The following AGBL1 variants were observed in gnomAD, a reference collection of about 807,000 sequenced individuals.
AGBL1 encodes the protein AGBL carboxypeptidase 1.
AGBL1 carries 130 observed loss-of-function variants against 118.9 expected under a neutral mutation model. That is an observed-to-expected ratio of 1.09 (90% CI 0.95 to 1.26). AGBL1 has a LOEUF of 1.26. Ranked by LOEUF, AGBL1 falls within the 50% of genes most tolerant of loss-of-function variation. The pLI is 0.00. For missense variants in AGBL1, 1,584 were observed against 1,298.1 expected (o/e 1.22, Z -3.38); for synonymous variants, 555 against 478.9 (o/e 1.16, Z -2.08).
chr15:86,490,392 C>T (rs553931702), intron 18 of AGBL1, among the ~76,000 whole-genome samples: 1 of 152,232 alleles, frequency 6.6e-6, no homozygotes, highest in Non-Finnish European at 1.5e-5. Context: ...TTGTAAACCT[C>T]TGCTCGTTAG....
At chr15:86,861,685 G>A (rs1486358771) in intron 22 of AGBL1, among the ~76,000 whole-genome samples, 1 of 152,164 alleles carries the variant, frequency 6.6e-6, no homozygotes. Flanking sequence ...GGCATATAGT[G>A]AGGACACCAA....
intron 18 of AGBL1, among the ~76,000 whole-genome samples, chr15:86,467,462 C>A (rs1275641179): frequency 6.6e-6 from 1 of 152,186 alleles, no homozygotes; most frequent in African/African-American, 2.4e-5. Context: ...ACTTCAGCCC[C>A]CTTTCCAGGG....
chr15:87,016,477 C>T (rs1485092472), intron 24 of AGBL1, among the ~76,000 whole-genome samples: 1 of 152,166 alleles, frequency 6.6e-6, no homozygotes, highest in Non-Finnish European at 1.5e-5. Context: ...CAACAAAATA[C>T]TTATCTCTCT....
chr15:86,539,308 C>A (rs1308023834), intron 19 of AGBL1, among the ~76,000 whole-genome samples: 2 of 152,292 alleles, frequency 1.3e-5, no homozygotes, highest in East Asian at 3.9e-4. Context: ...TAACCTCTTC[C>A]TTTCTTAGCC....
At position 86,743,860 on chromosome 15, in the gene AGBL1, CA is replaced by C. The variant is rs367876205; in HGVS notation, c.3158+69425del. ...GGCCTTTCCAGTGTATCTGATCACA[CA>C]CCCCCATCCCCCGCAACACACACAC... On this transcript the variant is annotated intron_variant, in intron 22 of 22. Transcript: ENST00000614907. Among the ~76,000 whole-genome samples the C allele has an allele frequency of 2.5e-3, 378 of 151,304 alleles. 1 individual carries two copies. Among genetic ancestry groups the C allele is most frequent in the African/African-American group, 8.8e-3 (361 of 41,214 alleles).
intron 22 of AGBL1, among the ~76,000 whole-genome samples, chr15:86,691,759 A>C (rs2086176476): frequency 6.6e-6 from 1 of 152,158 alleles, no homozygotes; most frequent in Non-Finnish European, 1.5e-5. Flanking sequence ...CTGTTATAAA[A>C]AAATATTAAG....
chr15:86,819,377 TAAG>T, intron 22 of AGBL1, among the ~76,000 whole-genome samples: 1 of 152,148 alleles, frequency 6.6e-6, no homozygotes, highest in Non-Finnish European at 1.5e-5. Flanking sequence ...CATATATTAA[TAAG>T]AAAACCCCAT....
intron 23 of AGBL1, among the ~76,000 whole-genome samples, chr15:86,980,695 CTAAA>C (rs1478220420): frequency 2.0e-5 from 3 of 152,076 alleles, no homozygotes; most frequent in African/African-American, 7.2e-5. Flanking sequence ...TGACATCATA[CTAAA>C]TAGAGTCTTG....
chr15:86,910,306 G>A lies in AGBL1; in HGVS notation c.*3012G>A, dbSNP rs1233908911. 1 of 152,234 alleles carries A rather than the reference G, an allele frequency of 6.6e-6. No individual in the cohort carries two copies. The highest frequency in any genetic ancestry group is 1.5e-5 in the Non-Finnish European group (1 of 68,044). The allele number at this position is 152,234 out of a possible 1,614,324, so 9.4% of individuals were successfully genotyped here. Reference sequence around the variant, plus strand: ...TAGAGCTTGAAATAAAATGTTCAGTGTGACTGGTTTAAAAGATGTGTTTGT... The same window carrying A: ...TAGAGCTTGAAATAAAATGTTCAGTATGACTGGTTTAAAAGATGTGTTTGT... On this transcript the variant is annotated 3_prime_UTR_variant, in exon 23 of 23. Transcript: ENST00000614907.
intron 5 of AGBL1, among the ~76,000 whole-genome samples, chr15:86,178,402 A>G (rs2077510522): frequency 6.6e-6 from 1 of 152,244 alleles, no homozygotes; most frequent in Admixed American, 6.5e-5. Context: ...ATGAGAGGCG[A>G]AATTCCTACA....
intron 23 of AGBL1, among the ~76,000 whole-genome samples, chr15:86,961,042 T>G (rs919934127): frequency 1.1e-4 from 16 of 152,058 alleles, no homozygotes; most frequent in African/African-American, 1.4e-4. Context: ...AATAATACTC[T>G]ATTGTATACT....
At chr15:86,704,489 A>G (rs1303426794) in intron 22 of AGBL1, among the ~76,000 whole-genome samples, 1 of 152,212 alleles carries the variant, frequency 6.6e-6, no homozygotes, top group African/African-American at 2.4e-5. Context: ...ATATGAACAG[A>G]CACTTCTCAA....
intron 23 of AGBL1, among the ~76,000 whole-genome samples, chr15:86,975,513 C>T (rs200118526): frequency 6.6e-6 from 1 of 152,006 alleles, no homozygotes; most frequent in Admixed American, 6.6e-5. Context: ...GGGACACAGT[C>T]AAGCCATATC....
intron 23 of AGBL1, among the ~76,000 whole-genome samples, chr15:86,927,117 C>T (rs4427765): frequency 0.096 from 14,420 of 150,742 alleles, 921 homozygotes; most frequent in Non-Finnish European, 0.14. Flanking sequence ...CCACCCCAGG[C>T]GACAGTGTGA....
At chr15:86,435,330 A>G (rs1280441566) in intron 18 of AGBL1, among the ~76,000 whole-genome samples, 1 of 152,224 alleles carries the variant, frequency 6.6e-6, no homozygotes, top group African/African-American at 2.4e-5. Flanking sequence ...CAGGGAGAAG[A>G]TAAGCTGTGA....
chr15:86,796,377 G>C (rs1350111154), intron 22 of AGBL1, among the ~76,000 whole-genome samples: 2 of 152,190 alleles, frequency 1.3e-5, no homozygotes, highest in Non-Finnish European at 1.5e-5. Flanking sequence ...TAAACTCTCT[G>C]AAACCTGAAG....
intron 22 of AGBL1, among the ~76,000 whole-genome samples, chr15:86,726,486 G>A (rs1285853985): frequency 6.6e-6 from 1 of 152,156 alleles, no homozygotes; most frequent in Non-Finnish European, 1.5e-5. Flanking sequence ...ATAGATGAAG[G>A]TTAACTTAGG....
chr15:86,725,614 A>T (rs971458395), intron 22 of AGBL1, among the ~76,000 whole-genome samples: 6 of 152,136 alleles, frequency 3.9e-5, no homozygotes, highest in African/African-American at 1.2e-4. Flanking sequence ...GTGTGTGGCA[A>T]TTTTTCCCAT....
In AGBL1 at chr15:86,264,704, C is replaced by A. The variant is rs774810434; in HGVS notation, c.1533C>A (p.Pro511=). 2.5e-6 allele frequency: 4 copies of A among 1,614,000 alleles called. No homozygotes were observed. Among genetic ancestry groups the A allele is most frequent in the Non-Finnish European group, 3.4e-6 (4 of 1,179,900 alleles). The change falls in exon 11 of 23, where the codon CCC becomes CCA. Residue 511 remains proline, a synonymous_variant. Transcript: ENST00000614907. The part of the protein sequence containing the change: ...THLKRVPFHD[P]YLYMAKARRT... ...TGAAGCGTGTCCCTTTCCACGATCC[C>A]TATCTTTATATGGCCAAAGCCAGAA...
Sources: gnomAD v4.1 joint callset for allele counts (sites outside exome capture counted in the v4.1 genomes callset) on GRCh38, gnomAD v4.1.1 for gene constraint, MANE v1.5 for transcripts, NCBI Gene and HGNC (gene_info 2026-07-23, HGNC 2026-07-21) for gene names.